Variants in SHANK2 observed in about 807,000 individuals in gnomAD.
SHANK2 encodes SH3 and multiple ankyrin repeat domains protein 2.
A neutral mutation model predicts 133.7 loss-of-function variants in SHANK2; 43 were observed. The ratio of observed to expected loss-of-function variants is 0.32; its 90% CI spans 0.25 to 0.41. The LOEUF (loss-of-function observed/expected upper bound fraction) is 0.41, where lower values mean the gene tolerates loss of function less well. Ranked by LOEUF, SHANK2 falls within the 10% of genes least tolerant of loss-of-function variation. The pLI is 1.00. For synonymous variants in SHANK2, 1,017 were observed against 952.8 expected (o/e 1.07, Z -1.24); for missense variants, 1,994 against 2,235.8 (o/e 0.89, Z 2.18).
At chr11:70,752,421 TA>T (rs1368193925) in intron 14 of SHANK2, among the ~76,000 whole-genome samples, 7 of 151,976 alleles carry the variant, frequency 4.6e-5, no homozygotes, top group Non-Finnish European at 8.8e-5. Context: ...GAATAATGAT[TA>T]AAAAAAATCA....
intron 15 of SHANK2, among the ~76,000 whole-genome samples, chr11:70,671,306 C>T (rs946781551): frequency 9.2e-5 from 14 of 152,124 alleles, no homozygotes; most frequent in Non-Finnish European, 1.3e-4. Context: ...GGGAGAATGC[C>T]GGCCTTGGAA....
intron 14 of SHANK2, among the ~76,000 whole-genome samples, chr11:70,770,728 G>A (rs929896210): frequency 6.6e-6 from 1 of 152,102 alleles, no homozygotes; most frequent in South Asian, 2.1e-4. Flanking sequence ...AGAATCAACT[G>A]GAGCATGGGC....
intron 17 of SHANK2, among the ~76,000 whole-genome samples, chr11:70,568,549 CTGTT>C (rs1420172975): frequency 4.0e-5 from 6 of 150,986 alleles, no homozygotes; most frequent in Non-Finnish European, 8.8e-5. Flanking sequence ...TGGAGAGAAA[CTGTT>C]TGAATTTCCC....
chr11:70,758,104 C>T (rs1946911900), intron 14 of SHANK2, among the ~76,000 whole-genome samples: 1 of 152,158 alleles, frequency 6.6e-6, no homozygotes, highest in Non-Finnish European at 1.5e-5. Context: ...AGAGAGCTCA[C>T]TAAAATGCTA....
At chr11:70,699,085 G>A (rs1180603622) in intron 14 of SHANK2, among the ~76,000 whole-genome samples, 1 of 152,174 alleles carries the variant, frequency 6.6e-6, no homozygotes, top group Non-Finnish European at 1.5e-5. Context: ...GGCCAGCTCA[G>A]ACCCCAACAG....
chr11:71,111,110 T>C (rs1555099141), intron 5 of SHANK2, among the ~76,000 whole-genome samples: 1 of 152,206 alleles, frequency 6.6e-6, no homozygotes, highest in Admixed American at 6.5e-5. Context: ...ACACTTTTGT[T>C]GTTTATAAGT....
intron 15 of SHANK2, among the ~76,000 whole-genome samples, chr11:70,686,902 T>A (rs2134418310): frequency 6.6e-6 from 1 of 152,322 alleles, no homozygotes; most frequent in Non-Finnish European, 1.5e-5. Flanking sequence ...ATCTGCTCCC[T>A]GGAGAGGCAC....
At chr11:70,560,785 C>G (rs1271441682) in intron 17 of SHANK2, among the ~76,000 whole-genome samples, 1 of 152,084 alleles carries the variant, frequency 6.6e-6, no homozygotes, top group Non-Finnish European at 1.5e-5. Flanking sequence ...GCACCCACCA[C>G]CACACCCAGC....
chr11:70,755,670 C>T lies in SHANK2; in HGVS notation c.1777+42773G>A, dbSNP rs538120802. Among the ~76,000 whole-genome samples the T allele has an allele frequency of 5.9e-5, 9 of 152,220 alleles. No individual in the cohort carries two copies. The South Asian group carries it at 1.9e-3, about 32-fold the overall frequency. On this transcript the variant is annotated intron_variant, in intron 14 of 25. Coordinates refer to ENST00000601538, the MANE Select transcript of SHANK2 (RefSeq NM_012309.5). ...GCGGAAGGGACTCACTCCTGGAGGC[C>T]GCCCTCGGCTCCGCACCCCGCGGCT...
At chr11:71,222,482 A>G (rs183189628) in intron 2 of SHANK2, among the ~76,000 whole-genome samples, 62 of 152,312 alleles carry the variant, frequency 4.1e-4, no homozygotes, top group Non-Finnish European at 6.9e-4. Flanking sequence ...AGAGGAGCTA[A>G]GAAGGGAGTT....
chr11:70,576,639 A>C (rs1443471468), intron 17 of SHANK2, among the ~76,000 whole-genome samples: 2 of 152,202 alleles, frequency 1.3e-5, no homozygotes, highest in Admixed American at 1.3e-4. Flanking sequence ...TCCATCTCAA[A>C]AAACAAACAA....
In SHANK2 at chr11:71,222,167, G is replaced by A. The variant is rs551322278; in HGVS notation, c.-13+2530C>T. ...CAGCACCACCATCCTGCCTCCAGCC[G>A]AGGGGACTGATCTTCCCAGAAAGCA... is the stretch of plus-strand genomic sequence containing the variant. On this transcript the variant is annotated intron_variant, in intron 2 of 25. Transcript: ENST00000601538. Among the ~76,000 whole-genome samples the A allele has an allele frequency of 8.0e-5, 7 of 87,642 alleles. No individual in the cohort carries two copies. In the South Asian group the frequency reaches 1.2e-3, roughly 15 times the overall value. The allele number at this position is 87,642 out of a possible 152,430, so 57.5% of individuals were successfully genotyped here.
chr11:70,704,456 G>A (rs574181103), intron 14 of SHANK2, among the ~76,000 whole-genome samples: 35 of 152,318 alleles, frequency 2.3e-4, no homozygotes, highest in African/African-American at 7.5e-4. Context: ...CAGCCCACCC[G>A]GCACACAGGG....
At chr11:70,915,646 G>A (rs1469480629) in intron 10 of SHANK2, among the ~76,000 whole-genome samples, 1 of 152,100 alleles carries the variant, frequency 6.6e-6, no homozygotes, top group Non-Finnish European at 1.5e-5. Flanking sequence ...GGTCCAGGAG[G>A]GAGTTAAAGG....
intron 17 of SHANK2, among the ~76,000 whole-genome samples, chr11:70,526,846 G>A (rs1208584707): frequency 6.8e-6 from 1 of 146,456 alleles, no homozygotes; most frequent in Non-Finnish European, 1.5e-5. Context: ...CTGCAGGCCT[G>A]GCCCCCTCGG....
At chr11:71,151,018 C>T (rs556501330) in intron 2 of SHANK2, among the ~76,000 whole-genome samples, 19 of 152,216 alleles carry the variant, frequency 1.2e-4, no homozygotes, top group Admixed American at 5.9e-4. Flanking sequence ...ATGTGGGCAC[C>T]GAGCCGTGTG....
At chr11:70,789,546 CAG>C (rs1250114256) in intron 14 of SHANK2, among the ~76,000 whole-genome samples, 4 of 152,212 alleles carry the variant, frequency 2.6e-5, no homozygotes, top group African/African-American at 9.6e-5. Context: ...GCCCATTCTG[CAG>C]AGAATCCCAT....
intron 17 of SHANK2, chr11:70,603,969 C>T (rs1232353662): frequency 6.6e-6 from 1 of 152,666 alleles, no homozygotes; most frequent in African/African-American, 2.4e-5. Context: ...ACCACAGGCA[C>T]TGCAGCAATG....
At chr11:70,734,778 A>G (rs1946366576) in intron 14 of SHANK2, among the ~76,000 whole-genome samples, 1 of 152,188 alleles carries the variant, frequency 6.6e-6, no homozygotes. Flanking sequence ...AGCCACAGGA[A>G]TGGCTGCTGG....
Sources: allele counts gnomAD v4.1 joint callset (sites outside exome capture counted in the v4.1 genomes callset), GRCh38; gene constraint gnomAD v4.1.1; transcripts MANE v1.5; gene names NCBI Gene and HGNC (gene_info 2026-07-23, HGNC 2026-07-21).